LETMD1: variants seen among roughly 807,000 people sequenced by gnomAD.
LETMD1 encodes the protein LETM1 domain-containing protein 1.
In LETMD1, 30 loss-of-function variants were observed where a neutral mutation model predicts 43.9. That is an observed-to-expected ratio of 0.68 (90% CI 0.51 to 0.93). The LOEUF (loss-of-function observed/expected upper bound fraction) is 0.93, where lower values mean the gene tolerates loss of function less well. Ranked by LOEUF, LETMD1 falls within the 40% of genes least tolerant of loss-of-function variation. LETMD1 has a pLI of 0.00. For missense variants in LETMD1, 413 were observed against 447.7 expected (o/e 0.92, Z 0.70); for synonymous variants, 176 against 163.1 (o/e 1.08, Z -0.60).
At chr12:51,048,954 C>CAGGA in intron 1 of LETMD1, 80 bp from the exon 2 acceptor site, 1 of 1,332,508 alleles carries the variant, frequency 7.5e-7, no homozygotes, top group Non-Finnish European at 1.0e-6. Context: ...CTCCGAGACT[C>CAGGA]CTGCTTTACA....
At chr12:51,067,481 A>G in the LETMD1 span, among the ~76,000 whole-genome samples, 1 of 152,186 alleles carries the variant, frequency 6.6e-6, no homozygotes, top group African/African-American at 2.4e-5. The surrounding 1 kb of genome is among the most constrained non-coding windows in gnomAD (Gnocchi z 4.1). Context: ...AGCTAGGATT[A>G]GAGGTGTGAG....
At chr12:51,063,807 G>A (rs769161467), downstream of LETMD1, 2 of 1,606,886 alleles carry the variant, frequency 1.2e-6, no homozygotes, top group Admixed American at 3.4e-5. Context: ...ATTCTGCTGG[G>A]AGGTCTTCAC....
At chr12:51,048,588 G>C (rs1320411111) in intron 1 of LETMD1, 110 bp downstream of exon 1, 1 of 1,395,564 alleles carries the variant, frequency 7.2e-7, no homozygotes, top group Non-Finnish European at 9.8e-7. Context: ...CTTGGCCCTG[G>C]AATTTTTATT....
chr12:51,048,556 C>T (rs1311760032), intron 1 of LETMD1, 78 bp downstream of exon 1: 1 of 1,557,674 alleles, frequency 6.4e-7, no homozygotes, highest in South Asian at 1.1e-5. Flanking sequence ...CATTCTGTCT[C>T]TTAATTCTCA....
At chr12:51,063,895 C>T (rs1937826556), downstream of LETMD1, 1 of 1,613,976 alleles carries the variant, frequency 6.2e-7, no homozygotes, top group Non-Finnish European at 8.5e-7. Context: ...TCTTCATTTT[C>T]AGGCTCCTCA....
At chr12:51,054,639 C>T (rs962511738) in intron 4 of LETMD1, among the ~76,000 whole-genome samples, 1 of 152,106 alleles carries the variant, frequency 6.6e-6, no homozygotes, top group South Asian at 2.1e-4. Context: ...GACTTTATAA[C>T]CTTGTCTTGA....
chr12:51,062,989 T>TA (rs564208686), downstream of LETMD1: 163 of 152,372 alleles, frequency 1.1e-3, no homozygotes, highest in African/African-American at 3.7e-3. Flanking sequence ...TCAGGCTCGT[T>TA]ATACCATATC....
chr12:51,057,288 G>C (rs2136713002), intron 7 of LETMD1, among the ~76,000 whole-genome samples: 1 of 150,812 alleles, frequency 6.6e-6, no homozygotes, highest in East Asian at 2.0e-4. Context: ...GTAGAGACAG[G>C]GTCTCACTAT....
the LETMD1 span, among the ~76,000 whole-genome samples, chr12:51,068,682 A>T: frequency 6.6e-6 from 1 of 152,226 alleles, no homozygotes; most frequent in Non-Finnish European, 1.5e-5. Context: ...CTTCTAACAC[A>T]GAGAGGAAAA....
chr12:51,055,895 T>C lies in LETMD1; in HGVS notation c.534T>C (p.Asp178=). 2.5e-6 allele frequency: 4 copies of C among 1,613,938 alleles called. No individual in the cohort carries two copies. Among genetic ancestry groups the C allele is most frequent in the Non-Finnish European group, 3.4e-6 (4 of 1,179,910 alleles). ...TCTGGACCCCAAAACAACAAACTGA[T>C]TTCTTAGATATCTATCATGCTTTCC... ...RHFWTPKQQT[D]FLDIYHAFRK... is the part of the protein sequence containing the mutation. The change falls in exon 5 of 9, where the codon GAT becomes GAC. Residue 178 remains aspartate, a synonymous_variant. Coordinates refer to ENST00000262055, the MANE Select transcript of LETMD1 (RefSeq NM_015416.5).
chr12:51,057,681 A>AGTG (rs1948119233), intron 7 of LETMD1: 1 of 287,366 alleles, frequency 3.5e-6, no homozygotes, highest in South Asian at 3.7e-5. Context: ...GCTGGAGTGC[A>AGTG]GTGGCATGAT....
downstream of LETMD1, chr12:51,062,730 C>T (rs1296570039): frequency 6.6e-6 from 1 of 152,212 alleles, no homozygotes; most frequent in Non-Finnish European, 1.5e-5. Flanking sequence ...GAAAAAAGAA[C>T]AAAAACTGAT....
At chr12:51,060,590 A>T (rs12318042), downstream of LETMD1, among the ~76,000 whole-genome samples, 1,170 of 152,284 alleles carry the variant, frequency 7.7e-3, 10 homozygotes, top group African/African-American at 0.026. Flanking sequence ...GATAACAAGG[A>T]AAAGAGAATT....
At chr12:51,067,393 G>A in the LETMD1 span, among the ~76,000 whole-genome samples, 3 of 152,058 alleles carry the variant, frequency 2.0e-5, no homozygotes, top group East Asian at 1.9e-4. This position sits in a 1 kb window ranked among gnomAD's most constrained non-coding sequence, Gnocchi z 4.1. Flanking sequence ...CCAGGCTGGC[G>A]TGCACTGGTG....
rs1453851835 is a variant in LETMD1, at chr12:51,058,101, T to C, written c.985T>C (p.Trp329Arg). The C allele has an allele frequency of 8.7e-6, 14 of 1,612,230 alleles. No individual in the cohort carries two copies. Among genetic ancestry groups the C allele is most frequent in the Non-Finnish European group, 1.2e-5 (14 of 1,178,224 alleles). The change falls in exon 8 of 9, where the codon TGG becomes CGG. Residue 329 changes from tryptophan to arginine, a missense_variant. Coordinates refer to ENST00000262055, the MANE Select transcript of LETMD1 (RefSeq NM_015416.5). ...EDRCRTWLGE[W>R]LQISCSLKEA... ...TAGGTGTCGAACTTGGCTGGGAGAA[T>C]GGCTGCAGATTTCCTGCAGCCTGAA...
At chr12:51,064,284 A>G, downstream of LETMD1, 1 of 1,613,114 alleles carries the variant, frequency 6.2e-7, no homozygotes, top group Non-Finnish European at 8.5e-7. Flanking sequence ...GGGGACAGCC[A>G]GAGGCTCCTC....
At chr12:51,068,544 C>T in the LETMD1 span, among the ~76,000 whole-genome samples, 1 of 152,144 alleles carries the variant, frequency 6.6e-6, no homozygotes, top group Non-Finnish European at 1.5e-5. Flanking sequence ...GGAAATCTTA[C>T]GTACCATCAC....
chr12:51,062,295 G>C (rs967875454), downstream of LETMD1: 1 of 152,094 alleles, frequency 6.6e-6, no homozygotes, highest in Non-Finnish European at 1.5e-5. Flanking sequence ...GTGTGTGTGT[G>C]GTTAATAAAC....
chr12:51,055,996 G>A lies in LETMD1; in HGVS notation c.635G>A (p.Trp212Ter). ...IPLISDAGLR[W>*]RLTDLCTKIQ... The stretch of plus-strand genomic sequence containing the variant: ...CTCATTTCTGATGCAGGACTCCGGT[G>A]GCGTCTGACAGATCTGTGCACCAAG... Residue 212 changes from tryptophan (W) to a stop codon, truncating the protein, a stop_gained, in exon 5 of 9, where the codon TGG (tryptophan) becomes TAG (stop). Transcript: ENST00000262055. LOFTEE classifies it high-confidence loss of function. 6.2e-7 allele frequency: 1 copy of A among 1,614,000 alleles called. No individual in the cohort carries two copies. Among genetic ancestry groups the A allele is most frequent in the Non-Finnish European group, 8.5e-7 (1 of 1,179,944 alleles).
Sources: gnomAD v4.1 joint callset for allele counts (sites outside exome capture counted in the v4.1 genomes callset) on GRCh38, gnomAD v4.1.1 for gene constraint, Gnocchi (gnomAD v3.1) non-coding constraint, MANE v1.5 for transcripts, NCBI Gene and HGNC (gene_info 2026-07-23, HGNC 2026-07-21) for gene names.